The following FCHSD2 variants were observed in gnomAD, a reference collection of about 807,000 sequenced individuals.
The protein encoded by FCHSD2 is FCH and double SH3 domains 2, also known as F-BAR and double SH3 domains protein 2.
Under a neutral mutation model 108.1 loss-of-function variants are expected in FCHSD2, and 38 were observed. The ratio of observed to expected loss-of-function variants is 0.35; its 90% confidence interval spans 0.27 to 0.46. FCHSD2 has a LOEUF of 0.46. Among genes scored for constraint, FCHSD2 ranks in the 20% least tolerant of loss-of-function variants. The probability of loss-of-function intolerance (pLI) is 1.00; values close to 1 mark genes in which losing one functional copy is unlikely to be tolerated. For synonymous variants in FCHSD2, 279 were observed against 314.7 expected, an observed-to-expected ratio of 0.89 and a Z score of 1.20; for missense variants, 751 against 897.8, an observed-to-expected ratio of 0.84 and a Z score of 2.09.
intron 2 of FCHSD2, among the ~76,000 whole-genome samples, chr11:73,096,152 T>C (rs1265107849): frequency 1.3e-5 from 2 of 151,940 alleles, no homozygotes; most frequent in African/African-American, 4.8e-5. Context: ...AAAAACATGG[T>C]AGCAGAAGGA....
At chr11:73,116,818 T>G (rs941852726) in intron 2 of FCHSD2, among the ~76,000 whole-genome samples, 4 of 152,224 alleles carry the variant, frequency 2.6e-5, no homozygotes, top group Admixed American at 6.5e-5. Flanking sequence ...ATTACAGGCA[T>G]GAGCCACAGC....
chr11:73,134,269 G>A (rs1041983169), intron 2 of FCHSD2, among the ~76,000 whole-genome samples: 2 of 151,996 alleles, frequency 1.3e-5, no homozygotes, highest in African/African-American at 4.8e-5. Context: ...CCAGGAGTTC[G>A]AGACCAGCTG....
intron 4 of FCHSD2, among the ~76,000 whole-genome samples, chr11:73,014,882 C>T (rs966189989): frequency 3.3e-5 from 5 of 151,840 alleles, no homozygotes; most frequent in South Asian, 2.1e-4. Context: ...CTCACTCTGT[C>T]GCCCAGGCTG....
At chr11:72,840,459 T>C (rs752010595) in intron 19 of FCHSD2, among the ~76,000 whole-genome samples, 3 of 152,186 alleles carry the variant, frequency 2.0e-5, no homozygotes, top group Admixed American at 6.5e-5. Flanking sequence ...TGCAATAATA[T>C]ATTCACCCGG....
intron 10 of FCHSD2, among the ~76,000 whole-genome samples, chr11:72,891,044 G>A (rs1263678526): frequency 6.6e-6 from 1 of 152,042 alleles, no homozygotes. Context: ...AGCCTCCTGA[G>A]TAGCTGGAAC....
chr11:73,076,454 C>T (rs370251087), intron 3 of FCHSD2, among the ~76,000 whole-genome samples: 5 of 152,096 alleles, frequency 3.3e-5, no homozygotes, highest in African/African-American at 1.2e-4. Context: ...AGGAGACATA[C>T]CATATGATTA....
At chr11:73,058,721 G>A (rs535080657) in intron 3 of FCHSD2, among the ~76,000 whole-genome samples, 14 of 150,820 alleles carry the variant, frequency 9.3e-5, no homozygotes, top group African/African-American at 2.7e-4. Flanking sequence ...TCAGCCTCCC[G>A]AGTACCTGGC....
intron 2 of FCHSD2, among the ~76,000 whole-genome samples, chr11:73,122,913 T>C (rs1368773327): frequency 6.6e-6 from 1 of 152,228 alleles, no homozygotes; most frequent in African/African-American, 2.4e-5. Context: ...CATTGCTGAA[T>C]GTTTTCATAC....
intron 2 of FCHSD2, among the ~76,000 whole-genome samples, chr11:73,096,986 G>GTTTTTTTTTTTTTTT (rs1400831147): frequency 1.0e-4 from 2 of 19,472 alleles, no homozygotes; most frequent in African/African-American, 2.8e-4. Flanking sequence ...TTCATTGATG[G>GTTTTTTTTTTTTTTT]ATTTTTTTTT....
chr11:73,060,533 CAT>C (rs2135487167), intron 3 of FCHSD2, among the ~76,000 whole-genome samples: 2 of 152,192 alleles, frequency 1.3e-5, no homozygotes, highest in African/African-American at 4.8e-5. Flanking sequence ...AATAGTATAT[CAT>C]ACAATGTCAG....
intron 4 of FCHSD2, among the ~76,000 whole-genome samples, chr11:73,003,186 T>G (rs1660492511): frequency 6.6e-6 from 1 of 152,132 alleles, no homozygotes; most frequent in Admixed American, 6.5e-5. Context: ...AGACCTAAGT[T>G]CAAGTTCTAG....
At chr11:72,930,359 C>T (rs1856164380) in intron 8 of FCHSD2, among the ~76,000 whole-genome samples, 1 of 152,208 alleles carries the variant, frequency 6.6e-6, no homozygotes, top group Non-Finnish European at 1.5e-5. Flanking sequence ...GTTCTTTGTA[C>T]ATACTGAAGA....
intron 19 of FCHSD2, among the ~76,000 whole-genome samples, chr11:72,840,136 G>A (rs1056003870): frequency 2.0e-5 from 3 of 151,990 alleles, no homozygotes; most frequent in East Asian, 1.9e-4. Context: ...CCATCCATCC[G>A]CCTCTTAGCT....
Position 73,142,070 on chromosome 11 carries a change from G to A in FCHSD2, c.-193C>T, listed in dbSNP as rs868377306. 224 of 542,574 alleles carry A rather than the reference G, an allele frequency of 4.1e-4. No homozygotes were observed. Among genetic ancestry groups the A allele is most frequent in the Middle Eastern group, 2.5e-3 (7 of 2,848 alleles). 33.6% of individuals were successfully genotyped at this position (542,574 alleles called of 1,614,324 possible). ...ACCCCAGCCAGAGAGCGAGTGTGAG[G>A]AGACGAGGGAGGAGCACCGGGAAGG... On this transcript the variant is annotated 5_prime_UTR_variant, in exon 1 of 20. Coordinates refer to ENST00000409418, the MANE Select transcript of FCHSD2 (RefSeq NM_014824.3).
intron 2 of FCHSD2, among the ~76,000 whole-genome samples, chr11:73,131,290 G>T (rs1385874929): frequency 1.3e-5 from 2 of 151,716 alleles, no homozygotes; most frequent in African/African-American, 4.9e-5. Flanking sequence ...GGCCGAGGCA[G>T]GTGGATCACA....
At chr11:73,075,904 A>G (rs1294933039) in intron 3 of FCHSD2, among the ~76,000 whole-genome samples, 3 of 152,182 alleles carry the variant, frequency 2.0e-5, no homozygotes, top group African/African-American at 7.2e-5. Context: ...GGATCGCTTG[A>G]GTCCAGGAGT....
chr11:72,898,055 A>G (rs1202732409), intron 10 of FCHSD2, among the ~76,000 whole-genome samples: 3 of 152,206 alleles, frequency 2.0e-5, no homozygotes, highest in African/African-American at 4.8e-5. Context: ...AAGTTACTAC[A>G]TAAGAACAAA....
intron 3 of FCHSD2, among the ~76,000 whole-genome samples, chr11:73,039,542 G>T (rs754245608): frequency 2.0e-5 from 3 of 151,106 alleles, no homozygotes; most frequent in Non-Finnish European, 3.0e-5. Context: ...AGAAAGAAAA[G>T]AAATATTAAT....
At chr11:72,848,826 G>T (rs1287772859) in intron 14 of FCHSD2, among the ~76,000 whole-genome samples, 1 of 152,088 alleles carries the variant, frequency 6.6e-6, no homozygotes. Context: ...ATGGGAGGTG[G>T]TATCAGGAAA....
Sources: allele counts gnomAD v4.1 joint callset (sites outside exome capture counted in the v4.1 genomes callset), GRCh38; gene constraint gnomAD v4.1.1; transcripts MANE v1.5; gene names NCBI Gene and HGNC (gene_info 2026-07-23, HGNC 2026-07-21).